Variants in RAB1B observed in about 807,000 individuals in gnomAD.
RAB1B encodes the protein RAB1B, member RAS oncogene family.
Under a neutral mutation model 24.8 loss-of-function variants are expected in RAB1B, and 10 were observed. The observed-to-expected ratio is 0.40, with a 90% CI of 0.25 to 0.68. The LOEUF (loss-of-function observed/expected upper bound fraction) is 0.68. RAB1B is among the 30% of genes least tolerant of loss of function. RAB1B has a pLI of 0.37. For missense variants in RAB1B, 154 were observed against 271.2 expected (o/e 0.57, Z 3.04); for synonymous variants, 99 against 111.7 (o/e 0.89, Z 0.72).
chr11:66,271,558 T>A (rs1857057666), intron 1 of RAB1B: 2 of 290,048 alleles, frequency 6.9e-6, no homozygotes, highest in Non-Finnish European at 6.5e-6. Flanking sequence ...AAGTCCCAGC[T>A]ACGCAGGAAG....
intron 4 of RAB1B, among the ~76,000 whole-genome samples, chr11:66,274,689 G>C (rs560399412): frequency 4.6e-5 from 7 of 151,622 alleles, no homozygotes; most frequent in Non-Finnish European, 1.5e-5. Context: ...TCTGTGCTCT[G>C]GCCTCTCCCC....
chr11:66,269,176 T>A (rs1857007649), intron 1 of RAB1B, among the ~76,000 whole-genome samples: 1 of 152,070 alleles, frequency 6.6e-6, no homozygotes, highest in Non-Finnish European at 1.5e-5. Context: ...GCTAGCCAAC[T>A]ACGCGGGAGG....
At position 66,268,707 on chromosome 11, in the gene RAB1B, G is replaced by T. The variant is rs780013956; in HGVS notation, c.14+14G>T. Reference sequence around the variant, plus strand: ...GAACCCCGAATAGTGAGTGAGCCCCGCCCGCGCCGTCCAGCGCAGCCTCGA... The same window carrying T: ...GAACCCCGAATAGTGAGTGAGCCCCTCCCGCGCCGTCCAGCGCAGCCTCGA... On this transcript the variant is annotated intron_variant, in intron 1 of 5. Coordinates refer to ENST00000311481, the MANE Select transcript of RAB1B (RefSeq NM_030981.3). The T allele has an allele frequency of 1.3e-6, 2 of 1,562,702 alleles. No homozygotes were observed. Among genetic ancestry groups the T allele is most frequent in the East Asian group, 2.4e-5 (1 of 41,878 alleles).
chr11:66,270,428 A>G (rs1169918980), intron 1 of RAB1B: 2 of 152,172 alleles, frequency 1.3e-5, no homozygotes, highest in Admixed American at 1.3e-4. Context: ...AAATACAAAA[A>G]TTAGCTAGTC....
intron 1 of RAB1B, chr11:66,270,639 T>TA (rs1418650763): frequency 6.6e-6 from 1 of 152,204 alleles, no homozygotes; most frequent in East Asian, 1.9e-4. Context: ...CATACACTCC[T>TA]AGGCTCCAAG....
chr11:66,271,734 C>T (rs765740694), intron 1 of RAB1B, 63 bp from the exon 2 acceptor site: 9 of 1,170,222 alleles, frequency 7.7e-6, no homozygotes, highest in Admixed American at 6.8e-5. Flanking sequence ...GTAATTGTGA[C>T]TCCAGGATGA....
At chr11:66,271,638 T>C (rs1857059342) in intron 1 of RAB1B, 159 bp from the exon 2 acceptor site, 3 of 591,496 alleles carry the variant, frequency 5.1e-6, no homozygotes, top group South Asian at 3.9e-5. Context: ...TTCAGTGCAC[T>C]GTAGCCTGGG....
Position 66,276,545 on chromosome 11 carries a change from GGT to G in RAB1B, c.*310_*311del. 5.6e-6 allele frequency: 2 copies of G among 354,942 alleles called. No homozygotes were observed. 22.0% of individuals were successfully genotyped at this position (354,942 alleles called of 1,614,324 possible). ...TCTTTGGAACGAGGGCTCTTCTGTCGGTGTCCCTCCCACCCCCATGTATGCTG... is the reference window on the plus strand; with the variant it reads ...TCTTTGGAACGAGGGCTCTTCTGTCGGTCCCTCCCACCCCCATGTATGCTG... On this transcript the variant is annotated 3_prime_UTR_variant, in exon 6 of 6. Coordinates refer to ENST00000311481, the MANE Select transcript of RAB1B (RefSeq NM_030981.3).
intron 4 of RAB1B, among the ~76,000 whole-genome samples, chr11:66,274,197 C>G (rs1372519581): frequency 6.6e-6 from 1 of 152,134 alleles, no homozygotes; most frequent in Non-Finnish European, 1.5e-5. Context: ...CTCTTCCCTC[C>G]CCCATCCAGT....
intron 1 of RAB1B, 62 bp downstream of exon 1, chr11:66,268,755 T>G (rs1239439415): frequency 6.0e-6 from 9 of 1,494,436 alleles, no homozygotes; most frequent in Admixed American, 2.4e-5. Context: ...GGCTGTACGC[T>G]TACCGGGGTT....
At chr11:66,269,874 CTTT>C (rs1345811011) in intron 1 of RAB1B, 2 of 145,538 alleles carry the variant, frequency 1.4e-5, no homozygotes, top group Non-Finnish European at 3.0e-5. Context: ...TACCTTTTGC[CTTT>C]TTTTTTTTTT....
In RAB1B at chr11:66,272,176, G is replaced by A. The variant is rs1590884753; in HGVS notation, c.107G>A (p.Ser36Asn). ...LRFADDTYTE[S>N]YISTIGVDFK... is the part of the protein sequence containing the mutation. ...TTTCAGGATGACACGTACACAGAGA[G>A]CTACATCAGCACCATCGGGGTGGAC... Residue 36 changes from serine to asparagine, a missense_variant, in exon 3 of 6, where the codon AGC (serine) becomes AAC (asparagine). This residue lies in a region of RAB1B where 77 missense variants were observed against 173.4 expected (regional missense o/e 0.44). Transcript: ENST00000311481. The A allele has an allele frequency of 6.2e-7, 1 of 1,613,380 alleles. No homozygotes were observed. Among genetic ancestry groups the A allele is most frequent in the Non-Finnish European group, 8.5e-7 (1 of 1,179,400 alleles).
At chr11:66,268,810 C>A in intron 1 of RAB1B, 117 bp downstream of exon 1, 1 of 1,062,296 alleles carries the variant, frequency 9.4e-7, no homozygotes, top group Non-Finnish European at 1.2e-6. Flanking sequence ...CATCCGGGTC[C>A]CTCTTCCGCT....
intron 4 of RAB1B, among the ~76,000 whole-genome samples, chr11:66,275,168 C>T (rs1305746785): frequency 2.6e-5 from 4 of 152,216 alleles, no homozygotes; most frequent in Non-Finnish European, 5.9e-5. Context: ...AGGCTTCTGG[C>T]TCCTAAGGAG....
intron 1 of RAB1B, among the ~76,000 whole-genome samples, chr11:66,269,516 T>C (rs1226345549): frequency 6.6e-6 from 1 of 152,208 alleles, no homozygotes; most frequent in Non-Finnish European, 1.5e-5. Flanking sequence ...CAAGTATCAG[T>C]TATCTTCTTC....
intron 2 of RAB1B, 70 bp downstream of exon 2, chr11:66,271,939 C>G: frequency 7.8e-7 from 1 of 1,285,648 alleles, no homozygotes; most frequent in South Asian, 1.2e-5. Context: ...AGGGACAACA[C>G]AGAGCACAGT....
intron 4 of RAB1B, among the ~76,000 whole-genome samples, chr11:66,273,468 T>G (rs1857092905): frequency 1.3e-5 from 2 of 152,154 alleles, no homozygotes; most frequent in Non-Finnish European, 2.9e-5. Flanking sequence ...AAGTGGACCA[T>G]CCCCCGCTCC....
In RAB1B at chr11:66,275,041, C is replaced by T. The variant is rs184402561; in HGVS notation, c.280-763C>T. On this transcript the variant is annotated intron_variant, in intron 4 of 5. Transcript: ENST00000311481. ...GGCCTGGTCTATTCATCTACTGTCC[C>T]GTGAATGTGTTAGGGCAGGGCCCAA... Among the ~76,000 whole-genome samples, 27 of 152,174 alleles carry T rather than the reference C, an allele frequency of 1.8e-4. No individual in the cohort carries two copies. In the East Asian group the frequency reaches 4.5e-3, roughly 25 times the overall value.
chr11:66,271,959 A>G (rs1170964947), intron 2 of RAB1B, 90 bp downstream of exon 2: 1 of 1,149,134 alleles, frequency 8.7e-7, no homozygotes, highest in African/African-American at 1.5e-5. Flanking sequence ...TAGTTGCAAG[A>G]TCTGGGAACC....
Sources: gnomAD v4.1 joint callset for allele counts (sites outside exome capture counted in the v4.1 genomes callset) on GRCh38, gnomAD v4.1.1 for gene constraint, gnomAD v4.1.1 regional missense constraint, MANE v1.5 for transcripts, NCBI Gene and HGNC (gene_info 2026-07-23, HGNC 2026-07-21) for gene names.